TESPA1: variants seen among roughly 807,000 people sequenced by gnomAD.
TESPA1 encodes the protein protein TESPA1.
TESPA1 carries 33 observed loss-of-function variants against 57.9 expected under a neutral mutation model. The ratio of observed to expected loss-of-function variants is 0.57; its 90% CI spans 0.43 to 0.76. The LOEUF is 0.76. TESPA1 is among the 30% of genes least tolerant of loss of function. The pLI, the probability that TESPA1 is intolerant of heterozygous loss-of-function variation, is 0.00. For synonymous variants in TESPA1, 227 were observed against 228.9 expected, an observed-to-expected ratio of 0.99 and a Z score of 0.07; for missense variants, 618 against 632.9, an observed-to-expected ratio of 0.98 and a Z score of 0.25.
At chr12:54,964,463 T>C (rs1951292551) in intron 7 of TESPA1, among the ~76,000 whole-genome samples, 1 of 152,238 alleles carries the variant, frequency 6.6e-6, no homozygotes, top group Non-Finnish European at 1.5e-5. Flanking sequence ...TTGAGAGGTA[T>C]GCTCCTTTCT....
At chr12:54,961,615 A>C (rs1472972849) in intron 9 of TESPA1, among the ~76,000 whole-genome samples, 1 of 152,188 alleles carries the variant, frequency 6.6e-6, no homozygotes, top group Non-Finnish European at 1.5e-5. Flanking sequence ...TGGTGGACTT[A>C]GAGAACACGA....
chr12:54,973,638 T>C (rs1951983964), intron 2 of TESPA1, 119 bp from the exon 3 acceptor site: 7 of 1,551,262 alleles, frequency 4.5e-6, no homozygotes, highest in Non-Finnish European at 6.1e-6. Flanking sequence ...TCTTTTTTTC[T>C]ACATAAAGCT....
chr12:54,980,202 C>G (rs1488040), intron 1 of TESPA1, among the ~76,000 whole-genome samples: 34,034 of 151,958 alleles, frequency 0.22, 4,849 homozygotes, highest in East Asian at 0.68. Context: ...AGCTCTCCAT[C>G]TTATAGTCTA....
At chr12:54,969,659 C>T (rs151182563) in intron 3 of TESPA1, among the ~76,000 whole-genome samples, 515 of 152,124 alleles carry the variant, frequency 3.4e-3, no homozygotes, top group African/African-American at 0.011. Flanking sequence ...CTGCTGCATG[C>T]GAATACTTGG....
In TESPA1 at chr12:54,966,421, G is replaced by T; in HGVS notation, c.314C>A (p.Thr105Lys). Reference sequence around the variant, plus strand: ...GAGTTTGCCATTGGCGGCCAGTAGTGTGGCTGGACAAGAAACAGAGAAGCA... The same window carrying T: ...GAGTTTGCCATTGGCGGCCAGTAGTTTGGCTGGACAAGAAACAGAGAAGCA... ...EDDLTLGAEATLLAANGKLFS... is the reference protein window; with the variant it reads ...EDDLTLGAEAKLLAANGKLFS... Residue 105 changes from threonine (T) to lysine (K), a missense_variant, in exon 6 of 11, where the codon ACA becomes AAA. By Grantham distance (78) the Thr-to-Lys change is moderately conservative. This residue lies in a region of TESPA1 where 199 missense variants were observed against 184.0 expected (regional missense o/e 1.08). Transcript: ENST00000449076. 1.9e-6 allele frequency: 3 copies of T among 1,613,212 alleles called. No individual in the cohort carries two copies. The East Asian group carries it at 6.7e-5, about 36-fold the overall frequency.
In TESPA1 at chr12:54,950,348, C is replaced by A. The variant is rs745715483; in HGVS notation, c.*44G>T. 4 of 456,724 alleles carry A rather than the reference C, an allele frequency of 8.8e-6. No individual in the cohort carries two copies. Among genetic ancestry groups the A allele is most frequent in the South Asian group, 3.1e-5 (2 of 64,558 alleles). The allele number at this position is 456,724 out of a possible 1,614,324, so 28.3% of individuals were successfully genotyped here. A position where few individuals can be genotyped will look rare whatever the true frequency, so the allele number is the denominator to read the frequency against. ...GTGGCTTTTAGTTTCTTCTTTGAAG[C>A]CAATTCTGTCAGACCACATGCTGTT... On this transcript the variant is annotated 3_prime_UTR_variant, in exon 11 of 11. Transcript: ENST00000449076.
intron 3 of TESPA1, among the ~76,000 whole-genome samples, chr12:54,971,123 G>A (rs982990155): frequency 2.0e-5 from 3 of 152,244 alleles, no homozygotes; most frequent in Non-Finnish European, 4.4e-5. Context: ...GAACTCTCCT[G>A]CAGAGCTTGT....
At chr12:54,963,321 C>A in intron 8 of TESPA1, 79 bp from the exon 9 acceptor site, 2 of 1,368,390 alleles carry the variant, frequency 1.5e-6, no homozygotes, top group South Asian at 3.0e-5. Flanking sequence ...GGAGGCTCCC[C>A]AAAGCTCAAA....
chr12:54,977,228 T>C (rs1013984255), intron 1 of TESPA1, among the ~76,000 whole-genome samples: 1 of 152,182 alleles, frequency 6.6e-6, no homozygotes, highest in Non-Finnish European at 1.5e-5. Flanking sequence ...ATCTCACACA[T>C]TGTAACCACT....
At chr12:54,980,943 C>T (rs535235177) in intron 1 of TESPA1, among the ~76,000 whole-genome samples, 81 of 152,144 alleles carry the variant, frequency 5.3e-4, no homozygotes, top group Non-Finnish European at 2.8e-4. Flanking sequence ...ATCTTTTCTT[C>T]TATACCTAAG....
chr12:54,980,491 C>T (rs2136214100), intron 1 of TESPA1, among the ~76,000 whole-genome samples: 1 of 152,298 alleles, frequency 6.6e-6, no homozygotes, highest in South Asian at 2.1e-4. Flanking sequence ...TGGGGCACCA[C>T]AGAGCAATGA....
chr12:54,971,718 T>C lies in TESPA1; in HGVS notation c.206+1759A>G, dbSNP rs76382199. Among the ~76,000 whole-genome samples the C allele has an allele frequency of 3.9e-3, 596 of 151,172 alleles. 1 individual carries two copies. The highest frequency in any genetic ancestry group is 0.028 in the East Asian group (140 of 5,074). The stretch of plus-strand genomic sequence containing the variant: ...TCGGAAAAAATAAAATATTAAGTAA[T>C]ATATAATGTAAAATAAAAAATTAAA... On this transcript the variant is annotated intron_variant, in intron 3 of 10. Coordinates refer to ENST00000449076, the MANE Select transcript of TESPA1 (RefSeq NM_001136030.3).
rs769919065 is a variant in TESPA1, at chr12:54,973,447, A to G, written c.206+30T>C. ...GTTAGCAAATTCAACCATCAGCCAC[A>G]TACCACCCCATTGCCTGTCCAGCAC... On this transcript the variant is annotated intron_variant, in intron 3 of 10. Transcript: ENST00000449076. 5.6e-6 allele frequency: 9 copies of G among 1,613,828 alleles called. No homozygotes were observed. In the African/African-American group the frequency reaches 8.0e-5, roughly 14 times the overall value.
In TESPA1 at chr12:54,952,995, A is replaced by T. The variant is rs535817870; in HGVS notation, c.*2-2605T>A. ...GGCTTAGATATTTTACCTCCTGAAT[A>T]TCTCAAAATCTCACTCGTCCTCCCC... On this transcript the variant is annotated intron_variant, in intron 10 of 10. Coordinates refer to ENST00000449076, the MANE Select transcript of TESPA1 (RefSeq NM_001136030.3). Among the ~76,000 whole-genome samples, 149 of 152,002 alleles carry T rather than the reference A, an allele frequency of 9.8e-4. 1 individual carries two copies. Among genetic ancestry groups the T allele is most frequent in the African/African-American group, 3.5e-3 (147 of 41,432 alleles).
At chr12:54,958,719 C>T (rs1317380454) in intron 10 of TESPA1, among the ~76,000 whole-genome samples, 2 of 152,082 alleles carry the variant, frequency 1.3e-5, no homozygotes, top group Non-Finnish European at 2.9e-5. Context: ...TCAGTCTTCT[C>T]TTAGCTTTTC....
At chr12:54,956,205 G>T (rs1369497080) in intron 10 of TESPA1, among the ~76,000 whole-genome samples, 2 of 152,080 alleles carry the variant, frequency 1.3e-5, no homozygotes, top group Non-Finnish European at 2.9e-5. Flanking sequence ...ACCATTTGGG[G>T]GTATCTCAAG....
Position 54,950,133 on chromosome 12 carries a change from G to T in TESPA1, c.*259C>A, listed in dbSNP as rs777386166. 19 of 382,452 alleles carry T rather than the reference G, an allele frequency of 5.0e-5. No individual in the cohort carries two copies. Among genetic ancestry groups the T allele is most frequent in the Admixed American group, 1.6e-4 (5 of 32,016 alleles). 23.7% of individuals were successfully genotyped at this position (382,452 alleles called of 1,614,324 possible). On this transcript the variant is annotated 3_prime_UTR_variant, in exon 11 of 11. Coordinates refer to ENST00000449076, the MANE Select transcript of TESPA1 (RefSeq NM_001136030.3). Reference sequence around the variant, plus strand: ...CACATAGTAGAGAAACCAGTGTACAGAGAAATGAAGAGATGTGCCTAAGGT... The same window carrying T: ...CACATAGTAGAGAAACCAGTGTACATAGAAATGAAGAGATGTGCCTAAGGT...
Position 54,962,862 on chromosome 12 carries a change from G to T in TESPA1, c.1036C>A (p.Pro346Thr), listed in dbSNP as rs750383207. 9.3e-6 allele frequency: 15 copies of T among 1,613,696 alleles called. No individual in the cohort carries two copies. Among genetic ancestry groups the T allele is most frequent in the Non-Finnish European group, 1.2e-5 (14 of 1,179,698 alleles). Residue 346 changes from proline to threonine, a missense_variant, in exon 9 of 11, where the codon CCC (proline) becomes ACC (threonine). Pro to Thr is a conservative substitution (Grantham distance 38). Coordinates refer to ENST00000449076, the MANE Select transcript of TESPA1 (RefSeq NM_001136030.3). ...LGQFSQEDPVPPAEGKKLPTS... is the reference protein window; with the variant it reads ...LGQFSQEDPVTPAEGKKLPTS... ...GGCAACTTCTTACCCTCAGCAGGGG[G>T]CACAGGATCTTCCTGTGAGAATTGC...
Position 54,974,553 on chromosome 12 carries a change from A to G in TESPA1, c.10T>C (p.Ser4Pro). MEA[S>P]VLSPTSWEKR... ...TCCCAGGATGTGGGGCTCAGCACAG[A>G]GGCCTCCATGGCCCTGGCTCAGACT... The change falls in exon 2 of 11, where the codon TCT becomes CCT. Residue 4 changes from serine to proline, a missense_variant. By Grantham distance (74) the Ser-to-Pro change is moderately conservative. Transcript: ENST00000449076. 1 of 1,586,958 alleles carries G rather than the reference A, an allele frequency of 6.3e-7. No individual in the cohort carries two copies. The highest frequency in any genetic ancestry group is 8.6e-7 in the Non-Finnish European group (1 of 1,166,240).
Sources: allele counts gnomAD v4.1 joint callset (sites outside exome capture counted in the v4.1 genomes callset), GRCh38; gene constraint gnomAD v4.1.1; regional missense constraint gnomAD v4.1.1; transcripts MANE v1.5; gene names NCBI Gene and HGNC (gene_info 2026-07-23, HGNC 2026-07-21).